The following FHL5 variants were observed in gnomAD, a reference collection of about 807,000 sequenced individuals.
FHL5 encodes four and a half LIM domains 5.
FHL5 carries 33 observed loss-of-function variants against 32.0 expected under a neutral mutation model. The ratio of observed to expected loss-of-function variants is 1.03; its 90% CI spans 0.78 to 1.38. The LOEUF (loss-of-function observed/expected upper bound fraction) is 1.38. Among genes scored for constraint, FHL5 ranks in the 40% most tolerant of loss-of-function variants. FHL5 has a pLI of 0.00. For missense variants in FHL5, 336 were observed against 343.9 expected, an observed-to-expected ratio of 0.98 and a Z score of 0.18; for synonymous variants, 114 against 113.6, an observed-to-expected ratio of 1.00 and a Z score of -0.02.
At chr6:96,567,797 G>A (rs1770390135) in intron 1 of FHL5, among the ~76,000 whole-genome samples, 1 of 136,246 alleles carries the variant, frequency 7.3e-6, no homozygotes, top group Non-Finnish European at 1.6e-5. Flanking sequence ...TGTTTTTGGT[G>A]TATAGAAAAG....
At chr6:96,614,258 C>T (rs1251932309) in intron 5 of FHL5, among the ~76,000 whole-genome samples, 1 of 152,076 alleles carries the variant, frequency 6.6e-6, no homozygotes, top group Admixed American at 6.5e-5. Flanking sequence ...GTTTTATGAA[C>T]AGCATAATTT....
intron 1 of FHL5, among the ~76,000 whole-genome samples, chr6:96,588,203 T>C (rs982889406): frequency 6.6e-6 from 1 of 152,226 alleles, no homozygotes; most frequent in African/African-American, 2.4e-5. Context: ...TAAGAGTTCC[T>C]GTTATTTCTT....
intron 1 of FHL5, among the ~76,000 whole-genome samples, chr6:96,579,379 A>G (rs183717738): frequency 1.1e-4 from 17 of 152,314 alleles, no homozygotes; most frequent in African/African-American, 3.8e-4. Flanking sequence ...TTAATAAAAT[A>G]TTTTTGTATA....
At position 96,609,598 on chromosome 6, in the gene FHL5, G is replaced by A. The variant is rs941357090; in HGVS notation, c.505-974G>A. Among the ~76,000 whole-genome samples the A allele has an allele frequency of 2.0e-5, 3 of 152,312 alleles. No individual in the cohort carries two copies. In the East Asian group the frequency reaches 5.8e-4, roughly 29 times the overall value. On this transcript the variant is annotated intron_variant, in intron 4 of 5. Coordinates refer to ENST00000450218, the MANE Select transcript of FHL5 (RefSeq NM_001322466.2). ...TGCACATCACACCTTAAGGCTCAAT[G>A]TACAACCAGGGCTTATTCCATTGAG...
chr6:96,594,803 T>C (rs945186174), intron 1 of FHL5, among the ~76,000 whole-genome samples: 1 of 151,976 alleles, frequency 6.6e-6, no homozygotes, highest in South Asian at 2.1e-4. Flanking sequence ...AGTTTTCCAT[T>C]AAAATTTAAC....
At chr6:96,565,247 C>T (rs1770331868) in intron 1 of FHL5, among the ~76,000 whole-genome samples, 1 of 152,082 alleles carries the variant, frequency 6.6e-6, no homozygotes. Flanking sequence ...GATATGTCAA[C>T]AGCAAGGTTT....
chr6:96,606,134 A>G (rs1041804209), intron 4 of FHL5, 63 bp downstream of exon 4: 2 of 1,375,744 alleles, frequency 1.5e-6, no homozygotes, highest in Non-Finnish European at 2.0e-6. Context: ...GCTGTATCAT[A>G]TATTTAGAAT....
At chr6:96,615,248 A>T (rs951369297) in intron 5 of FHL5, among the ~76,000 whole-genome samples, 8 of 152,214 alleles carry the variant, frequency 5.3e-5, no homozygotes, top group African/African-American at 1.9e-4. Context: ...TCATACTTAG[A>T]TATCTCTGAC....
intron 1 of FHL5, among the ~76,000 whole-genome samples, chr6:96,582,484 C>A (rs1238861607): frequency 1.3e-5 from 2 of 152,002 alleles, no homozygotes; most frequent in Non-Finnish European, 2.9e-5. Context: ...GTAATAGCTG[C>A]CATAATTACA....
chr6:96,605,384 C>A (rs1344741024), intron 3 of FHL5, among the ~76,000 whole-genome samples: 1 of 152,156 alleles, frequency 6.6e-6, no homozygotes, highest in Admixed American at 6.5e-5. Context: ...CCACTTTTGG[C>A]AAGGACTAAT....
chr6:96,575,784 C>G lies in FHL5; in HGVS notation c.-13+12429C>G, dbSNP rs146997116. ...TTGATCTGTTTTAAATTTAGGATGT[C>G]AGTGAAAATTGTTGAAATACCAAGA... On this transcript the variant is annotated intron_variant, in intron 1 of 5. Coordinates refer to ENST00000450218, the MANE Select transcript of FHL5 (RefSeq NM_001322466.2). Among the ~76,000 whole-genome samples, 6 of 152,204 alleles carry G rather than the reference C, an allele frequency of 3.9e-5. No individual in the cohort carries two copies. The East Asian group carries it at 1.2e-3, about 29-fold the overall frequency.
At chr6:96,588,881 T>A (rs1429395923) in intron 1 of FHL5, among the ~76,000 whole-genome samples, 2 of 150,826 alleles carry the variant, frequency 1.3e-5, no homozygotes, top group Admixed American at 1.3e-4. Context: ...GCAATTCTTT[T>A]AAAAAAAAAG....
chr6:96,615,204 C>T (rs1204201180), intron 5 of FHL5, among the ~76,000 whole-genome samples: 1 of 152,174 alleles, frequency 6.6e-6, no homozygotes, highest in African/African-American at 2.4e-5. Context: ...GCTAAGAAAA[C>T]TTAAAGTCAT....
At chr6:96,613,316 C>T (rs1041874048) in intron 5 of FHL5, among the ~76,000 whole-genome samples, 7 of 152,184 alleles carry the variant, frequency 4.6e-5, no homozygotes, top group Non-Finnish European at 1.0e-4. Flanking sequence ...TAAAACCCAT[C>T]ACATTGAACT....
chr6:96,610,621 A>T lies in FHL5; in HGVS notation c.554A>T (p.Glu185Val). The T allele has an allele frequency of 6.2e-7, 1 of 1,613,946 alleles. No individual in the cohort carries two copies. Among genetic ancestry groups the T allele is most frequent in the South Asian group, 1.1e-5 (1 of 91,076 alleles). ...ITFCDQLWHK[E>V]CFLCSGCRKD... The stretch of plus-strand genomic sequence containing the variant: ...TTTTGTGACCAGCTATGGCATAAAG[A>T]GTGTTTTCTGTGTAGTGGCTGTAGG... Residue 185 changes from glutamate to valine, a missense_variant, in exon 5 of 6, where the codon GAG (glutamate) becomes GTG (valine). Transcript: ENST00000450218.
At chr6:96,604,974 C>A in intron 3 of FHL5, 50 bp downstream of exon 3, 1 of 1,435,182 alleles carries the variant, frequency 7.0e-7, no homozygotes, top group Middle Eastern at 2.1e-4. Context: ...TGATGCTTTT[C>A]ATTAAGTCCC....
At chr6:96,567,777 T>C (rs984130512) in intron 1 of FHL5, among the ~76,000 whole-genome samples, 4 of 148,684 alleles carry the variant, frequency 2.7e-5, no homozygotes, top group African/African-American at 7.4e-5. Flanking sequence ...TGATTTTTTT[T>C]CCACTAGTTT....
chr6:96,603,090 A>G (rs1291622799), intron 1 of FHL5, among the ~76,000 whole-genome samples: 1 of 152,200 alleles, frequency 6.6e-6, no homozygotes, highest in Non-Finnish European at 1.5e-5. Context: ...CTTATTAGGT[A>G]TTCAGTAAAG....
chr6:96,590,375 T>C (rs953206504), intron 1 of FHL5, among the ~76,000 whole-genome samples: 9 of 152,064 alleles, frequency 5.9e-5, no homozygotes, highest in Non-Finnish European at 1.0e-4. Flanking sequence ...ATTAGGTTTC[T>C]CAGGGAATTT....
Sources: allele counts gnomAD v4.1 joint callset (sites outside exome capture counted in the v4.1 genomes callset), GRCh38; gene constraint gnomAD v4.1.1; transcripts MANE v1.5; gene names NCBI Gene and HGNC (gene_info 2026-07-23, HGNC 2026-07-21).